Variants in SLC24A2 observed in about 807,000 individuals in gnomAD.
SLC24A2 encodes sodium/potassium/calcium exchanger 2.
In SLC24A2, 36 loss-of-function variants were observed where a neutral mutation model predicts 62.0. The observed-to-expected ratio is 0.58, with a 90% CI of 0.44 to 0.77. SLC24A2 has a LOEUF of 0.77. Among genes scored for constraint, SLC24A2 ranks in the 30% least tolerant of loss-of-function variants. SLC24A2 has a pLI of 0.00. For synonymous variants in SLC24A2, 358 were observed against 294.0 expected, an observed-to-expected ratio of 1.22 and a Z score of -2.23; for missense variants, 846 against 817.9, an observed-to-expected ratio of 1.03 and a Z score of -0.42.
chr9:19,634,670 G>T (rs1005188404), intron 2 of SLC24A2, among the ~76,000 whole-genome samples: 1 of 152,136 alleles, frequency 6.6e-6, no homozygotes, highest in Non-Finnish European at 1.5e-5. Context: ...AAAACACACT[G>T]ATTTCACCCT....
rs942544831 is a variant in SLC24A2 at position 19,512,710 on chromosome 9, G to A, written c.*3443C>T. 3.9e-5 allele frequency: 6 copies of A among 152,158 alleles called. No homozygotes were observed. Among genetic ancestry groups the A allele is most frequent in the African/African-American group, 1.4e-4 (6 of 41,422 alleles). 9.4% of individuals were successfully genotyped at this position (152,158 alleles called of 1,614,324 possible). A position where few individuals can be genotyped will look rare whatever the true frequency, so the allele number is the denominator to read the frequency against. On this transcript the variant is annotated 3_prime_UTR_variant, in exon 11 of 11. Transcript: ENST00000341998. ...CCTGCTCGGTTTGCTGTGAATAAAT[G>A]AAATCATTTGCGTGCAACTCATTTA...
intron 2 of SLC24A2, among the ~76,000 whole-genome samples, chr9:19,763,798 T>C (rs900478928): frequency 6.6e-6 from 1 of 152,120 alleles, no homozygotes; most frequent in African/African-American, 2.4e-5. Flanking sequence ...CTCTGCCAGG[T>C]TTTGGTATCA....
At chr9:19,623,194 A>G (rs1025417973) in intron 2 of SLC24A2, among the ~76,000 whole-genome samples, 2 of 152,172 alleles carry the variant, frequency 1.3e-5, no homozygotes, top group Non-Finnish European at 2.9e-5. Context: ...CCAACGAGAT[A>G]CAGGTGCCTG....
intron 8 of SLC24A2, among the ~76,000 whole-genome samples, chr9:19,542,111 T>C (rs1834296380): frequency 6.6e-6 from 1 of 152,108 alleles, no homozygotes; most frequent in Non-Finnish European, 1.5e-5. Flanking sequence ...TGTCTGGCAC[T>C]CCCTAGTGAG....
chr9:19,530,181 A>T (rs886344539), intron 8 of SLC24A2, among the ~76,000 whole-genome samples: 5 of 147,914 alleles, frequency 3.4e-5, no homozygotes, highest in Non-Finnish European at 7.4e-5. Context: ...CATTTAGCTT[A>T]TTAAAGTTCC....
intron 4 of SLC24A2, among the ~76,000 whole-genome samples, chr9:19,603,288 AG>A (rs1186234080): frequency 2.6e-5 from 4 of 152,188 alleles, no homozygotes; most frequent in African/African-American, 9.7e-5. Context: ...ATCAAGCAAA[AG>A]GTACTTTCTC....
At chr9:20,189,092 TCCCAG>T in the SLC24A2 span, among the ~76,000 whole-genome samples, 3 of 142,862 alleles carry the variant, frequency 2.1e-5, no homozygotes, top group Non-Finnish European at 3.0e-5. Context: ...TTTTTTTTTT[TCCCAG>T]TTGATTTGCT....
chr9:19,519,529 T>C (rs970422793), intron 10 of SLC24A2, among the ~76,000 whole-genome samples: 5 of 152,328 alleles, frequency 3.3e-5, no homozygotes, highest in Non-Finnish European at 7.3e-5. Flanking sequence ...TTACAGTAGG[T>C]ACAACTTCCT....
the SLC24A2 span, among the ~76,000 whole-genome samples, chr9:19,889,507 C>A: frequency 6.6e-6 from 1 of 152,136 alleles, no homozygotes; most frequent in African/African-American, 2.4e-5. Context: ...TTAGCAATCA[C>A]CAAAACTTCC....
chr9:19,963,642 A>G, the SLC24A2 span, among the ~76,000 whole-genome samples: 1 of 152,266 alleles, frequency 6.6e-6, no homozygotes, highest in African/African-American at 2.4e-5. Flanking sequence ...TGGCCATCAG[A>G]GAAATGCAAA....
rs1447630361 is a variant in SLC24A2, at chr9:19,536,187, TA to T, written c.1480-8050del. On this transcript the variant is annotated intron_variant, in intron 8 of 10. Transcript: ENST00000341998. ...GATTCTAAGAAATTTTCTTTTTTTT[TA>T]ATTTTTTATTTATTTATTTTTTTTT... Among the ~76,000 whole-genome samples the T allele has an allele frequency of 8.0e-4, 121 of 150,644 alleles. 1 individual carries two copies. The highest frequency in any genetic ancestry group is 2.7e-3 in the African/African-American group (111 of 40,922).
At chr9:19,605,240 TAGAG>T (rs1048063018) in intron 4 of SLC24A2, among the ~76,000 whole-genome samples, 22 of 152,312 alleles carry the variant, frequency 1.4e-4, no homozygotes, top group African/African-American at 2.9e-4. Context: ...AAAAAATTAA[TAGAG>T]AGAATAAATG....
chr9:19,703,129 T>G (rs563020986), intron 2 of SLC24A2, among the ~76,000 whole-genome samples: 2 of 152,118 alleles, frequency 1.3e-5, no homozygotes, highest in Non-Finnish European at 2.9e-5. Flanking sequence ...CTCGCATATC[T>G]TATATCAAAT....
the SLC24A2 span, among the ~76,000 whole-genome samples, chr9:20,032,142 G>C: frequency 6.6e-6 from 1 of 152,208 alleles, no homozygotes; most frequent in African/African-American, 2.4e-5. Context: ...TTCAGTTTTT[G>C]TTACCCTGGA....
the SLC24A2 span, among the ~76,000 whole-genome samples, chr9:19,987,066 G>T: frequency 6.6e-6 from 1 of 152,178 alleles, no homozygotes; most frequent in South Asian, 2.1e-4. Context: ...AGACAGTGGA[G>T]GGTGGAAGGG....
the SLC24A2 span, among the ~76,000 whole-genome samples, chr9:20,007,879 C>CTCTTTTTTTT: frequency 2.5e-5 from 1 of 39,510 alleles, no homozygotes; most frequent in Non-Finnish European, 4.6e-5. Context: ...TTACTCCTCT[C>CTCTTTTTTTT]TTTTTTTTTT....
chr9:20,048,916 TTATG>T, the SLC24A2 span, among the ~76,000 whole-genome samples: 2 of 151,540 alleles, frequency 1.3e-5, no homozygotes, highest in Non-Finnish European at 2.9e-5. Context: ...TTTTATTTAT[TTATG>T]TATTTTTTAT....
the SLC24A2 span, among the ~76,000 whole-genome samples, chr9:19,868,968 T>A: frequency 0.058 from 8,855 of 152,176 alleles, 357 homozygotes; most frequent in African/African-American, 0.1. Flanking sequence ...ACAATTAATG[T>A]AGTTATTTAT....
At chr9:20,078,207 T>C in the SLC24A2 span, among the ~76,000 whole-genome samples, 2 of 152,194 alleles carry the variant, frequency 1.3e-5, no homozygotes, top group African/African-American at 4.8e-5. Flanking sequence ...GTGCACTCCA[T>C]AGTTGCTGTA....
Sources: gnomAD v4.1 joint callset for allele counts (sites outside exome capture counted in the v4.1 genomes callset) on GRCh38, gnomAD v4.1.1 for gene constraint, MANE v1.5 for transcripts, NCBI Gene and HGNC (gene_info 2026-07-23, HGNC 2026-07-21) for gene names.